Variants in DGKB observed in about 807,000 individuals in gnomAD.
DGKB encodes the protein diacylglycerol kinase beta.
In DGKB, 67 loss-of-function variants were observed where a neutral mutation model predicts 114.3. The ratio of observed to expected loss-of-function variants is 0.59; its 90% CI spans 0.48 to 0.72. The LOEUF is 0.72. Ranked by LOEUF, DGKB falls within the 30% of genes least tolerant of loss-of-function variation. The pLI is 0.00. For synonymous variants in DGKB, 398 were observed against 323.1 expected, an observed-to-expected ratio of 1.23 and a Z score of -2.49; for missense variants, 907 against 975.2, an observed-to-expected ratio of 0.93 and a Z score of 0.93.
intron 1 of DGKB, among the ~76,000 whole-genome samples, chr7:14,923,244 A>G (rs1784596722): frequency 6.6e-6 from 1 of 152,030 alleles, no homozygotes; most frequent in Non-Finnish European, 1.5e-5. Context: ...TAGTTTATGG[A>G]CTTCCTGAAT....
intron 21 of DGKB, among the ~76,000 whole-genome samples, chr7:14,365,905 A>G (rs1816596881): frequency 6.6e-6 from 1 of 152,124 alleles, no homozygotes; most frequent in Non-Finnish European, 1.5e-5. Context: ...TCTGTGGATC[A>G]CAGATACTTG....
At chr7:14,590,798 A>C (rs1801579944) in intron 17 of DGKB, among the ~76,000 whole-genome samples, 1 of 152,090 alleles carries the variant, frequency 6.6e-6, no homozygotes, top group Non-Finnish European at 1.5e-5. Context: ...ATGTAAATAC[A>C]CCTTACTATT....
intron 1 of DGKB, among the ~76,000 whole-genome samples, chr7:14,879,066 T>C (rs1322409484): frequency 6.6e-6 from 1 of 151,956 alleles, no homozygotes; most frequent in East Asian, 1.9e-4. Context: ...CATGGTCTTG[T>C]TACTAGACAG....
At chr7:14,937,694 G>A (rs888678567) in intron 1 of DGKB, among the ~76,000 whole-genome samples, 4 of 151,982 alleles carry the variant, frequency 2.6e-5, no homozygotes, top group Non-Finnish European at 4.4e-5. Context: ...GAACAACACA[G>A]GTTTAAACTT....
At position 14,574,366 on chromosome 7, in the gene DGKB, T is replaced by A; in HGVS notation, c.1616A>T (p.Glu539Val). 1 of 1,607,288 alleles carries A rather than the reference T, an allele frequency of 6.2e-7. No homozygotes were observed. Among genetic ancestry groups the A allele is most frequent in the Non-Finnish European group, 8.5e-7 (1 of 1,177,952 alleles). ...TAGAATTTTCATCAGATTCTCACCT[T>A]CGTAACCTAGTGGGAAAAAAAAATA... ...ARCLRWGGGY[E>V]GENLMKILKD... Residue 539 changes from glutamate (E) to valine (V), a missense_variant, in exon 20 of 26, where the codon GAA becomes GTA. Glu to Val is a moderately radical substitution (Grantham distance 121). Transcript: ENST00000402815.
intron 2 of DGKB, among the ~76,000 whole-genome samples, chr7:14,784,161 C>A (rs941146573): frequency 2.6e-5 from 4 of 151,416 alleles, no homozygotes; most frequent in African/African-American, 9.7e-5. Context: ...TTTTTTTTTA[C>A]TACAATCTAC....
At chr7:14,901,603 C>CCA (rs1222300495) in intron 1 of DGKB, among the ~76,000 whole-genome samples, 6 of 115,804 alleles carry the variant, frequency 5.2e-5, no homozygotes, top group Non-Finnish European at 1.1e-4. Flanking sequence ...TGAGGGATTT[C>CCA]CACCCCCCCC....
At chr7:14,239,084 C>T (rs1040428524) in intron 23 of DGKB, among the ~76,000 whole-genome samples, 4 of 151,870 alleles carry the variant, frequency 2.6e-5, no homozygotes, top group African/African-American at 9.7e-5. Context: ...ATTTTGCATT[C>T]GTGTTAGGCT....
intron 1 of DGKB, among the ~76,000 whole-genome samples, chr7:14,943,432 A>C (rs1301484874): frequency 6.6e-6 from 1 of 151,980 alleles, no homozygotes; most frequent in African/African-American, 2.4e-5. Flanking sequence ...TTGAATAGAC[A>C]CATTTTGTGT....
At chr7:14,780,520 G>T (rs571947946) in intron 2 of DGKB, among the ~76,000 whole-genome samples, 1 of 152,284 alleles carries the variant, frequency 6.6e-6, no homozygotes, top group African/African-American at 2.4e-5. Flanking sequence ...GCCACTTGGA[G>T]AATGTTCCAA....
intron 1 of DGKB, among the ~76,000 whole-genome samples, chr7:14,901,611 C>G: frequency 7.1e-6 from 1 of 141,398 alleles, no homozygotes; most frequent in Admixed American, 7.1e-5. Flanking sequence ...TTCCACCCCC[C>G]CCCACCCCCC....
At chr7:14,222,827 T>C (rs1317236235) in intron 23 of DGKB, among the ~76,000 whole-genome samples, 1 of 151,558 alleles carries the variant, frequency 6.6e-6, no homozygotes, top group Non-Finnish European at 1.5e-5. Flanking sequence ...TATTTTGATT[T>C]TCTGTTGTTA....
intron 17 of DGKB, among the ~76,000 whole-genome samples, chr7:14,594,666 C>A (rs1275032750): frequency 6.6e-6 from 1 of 152,028 alleles, no homozygotes; most frequent in African/African-American, 2.4e-5. Context: ...TTACTGAAAT[C>A]CATTCTGTCG....
chr7:14,849,973 G>C (rs1849132567), intron 1 of DGKB, among the ~76,000 whole-genome samples: 1 of 152,164 alleles, frequency 6.6e-6, no homozygotes, highest in Non-Finnish European at 1.5e-5. Context: ...TTAGAGATTA[G>C]AGGTGGAAAA....
chr7:14,244,436 C>T (rs558667790), intron 23 of DGKB, among the ~76,000 whole-genome samples: 3 of 151,920 alleles, frequency 2.0e-5, no homozygotes, highest in South Asian at 2.1e-4. Context: ...GTGGGCGGAT[C>T]ACAAGGTCAG....
intron 2 of DGKB, among the ~76,000 whole-genome samples, chr7:14,800,211 CG>C: frequency 2.0e-5 from 3 of 152,296 alleles, no homozygotes; most frequent in Admixed American, 2.0e-4. Flanking sequence ...CCACCGCGCT[CG>C]GTCTAGTCTC....
At chr7:14,797,528 A>C (rs1351488158) in intron 2 of DGKB, among the ~76,000 whole-genome samples, 1 of 152,172 alleles carries the variant, frequency 6.6e-6, no homozygotes, top group Non-Finnish European at 1.5e-5. Flanking sequence ...TATATATCCA[A>C]ATCTGCATGG....
At chr7:14,258,452 A>T (rs1554309694) in intron 23 of DGKB, among the ~76,000 whole-genome samples, 1 of 152,252 alleles carries the variant, frequency 6.6e-6, no homozygotes, top group Non-Finnish European at 1.5e-5. Context: ...CAAAGACTAC[A>T]GATGAAATTT....
intron 1 of DGKB, among the ~76,000 whole-genome samples, chr7:14,933,231 G>A (rs1785118966): frequency 6.6e-6 from 1 of 152,040 alleles, no homozygotes; most frequent in Admixed American, 6.6e-5. Context: ...TTTTCTATTC[G>A]ATTATTTTCT....
Sources: allele counts gnomAD v4.1 joint callset (sites outside exome capture counted in the v4.1 genomes callset), GRCh38; gene constraint gnomAD v4.1.1; transcripts MANE v1.5; gene names NCBI Gene and HGNC (gene_info 2026-07-23, HGNC 2026-07-21).